The following PTPN9 variants were observed in gnomAD, a reference collection of about 807,000 sequenced individuals.
PTPN9 encodes the protein protein tyrosine phosphatase non-receptor type 9.
Under a neutral mutation model 69.8 loss-of-function variants are expected in PTPN9, and 26 were observed. That is an observed-to-expected ratio of 0.37 (90% CI 0.27 to 0.52). PTPN9 has a LOEUF of 0.52. Among genes scored for constraint, PTPN9 ranks in the 20% least tolerant of loss-of-function variants. The pLI, the probability that PTPN9 is intolerant of heterozygous loss-of-function variation, is 0.91. For synonymous variants in PTPN9, 274 were observed against 272.5 expected (o/e 1.01, Z -0.05); for missense variants, 549 against 740.3 (o/e 0.74, Z 3.00).
At chr15:75,516,091 C>T (rs140851091) in intron 5 of PTPN9, among the ~76,000 whole-genome samples, 6 of 152,044 alleles carry the variant, frequency 3.9e-5, no homozygotes, top group African/African-American at 9.6e-5. Context: ...CCCTAGAGAC[C>T]CTCTTACACA....
chr15:75,478,941 A>G (rs2074612505), intron 9 of PTPN9, among the ~76,000 whole-genome samples: 1 of 152,182 alleles, frequency 6.6e-6, no homozygotes, highest in Non-Finnish European at 1.5e-5. Flanking sequence ...AAGTGACATG[A>G]TATTCTTGAG....
chr15:75,495,436 A>C (rs2074734416), intron 7 of PTPN9, among the ~76,000 whole-genome samples: 1 of 152,074 alleles, frequency 6.6e-6, no homozygotes, highest in Admixed American at 6.6e-5. Context: ...TGAAGGGCCA[A>C]GCACGGTGGC....
chr15:75,504,604 C>T (rs1264876206), intron 7 of PTPN9, among the ~76,000 whole-genome samples: 3 of 142,716 alleles, frequency 2.1e-5, no homozygotes, highest in African/African-American at 5.2e-5. Flanking sequence ...TGAGGAGCCC[C>T]TCTGCCCGGC....
intron 1 of PTPN9, among the ~76,000 whole-genome samples, chr15:75,528,288 C>T (rs2074940015): frequency 6.6e-6 from 1 of 152,170 alleles, no homozygotes; most frequent in Admixed American, 6.6e-5. Context: ...TTCTTTTATG[C>T]ACTCTCATCC....
chr15:75,523,024 A>C, intron 4 of PTPN9, 97 bp downstream of exon 4: 25 of 1,402,900 alleles, frequency 1.8e-5, no homozygotes, highest in Non-Finnish European at 2.4e-5. Flanking sequence ...GGCACATCCT[A>C]GGAGAATGGC....
At chr15:75,578,574 T>G in intron 1 of PTPN9, 140 bp downstream of exon 1, 4 of 606,444 alleles carry the variant, frequency 6.6e-6, no homozygotes, top group Non-Finnish European at 9.3e-6. Flanking sequence ...CGGTCGCCGG[T>G]GAGGGAGGCC....
chr15:75,505,157 C>T (rs1294122458), intron 7 of PTPN9, among the ~76,000 whole-genome samples: 1 of 151,354 alleles, frequency 6.6e-6, no homozygotes, highest in Non-Finnish European at 1.5e-5. Flanking sequence ...GGTGACCTTA[C>T]CCCCAACCCT....
chr15:75,547,142 A>G (rs1425118241), intron 1 of PTPN9, among the ~76,000 whole-genome samples: 1 of 151,828 alleles, frequency 6.6e-6, no homozygotes. Context: ...AAAAATACAA[A>G]AACATTACCA....
rs935352696 is a variant in PTPN9, at chr15:75,468,463, G to T, written c.*306C>A. The T allele has an allele frequency of 2.1e-5, 5 of 239,152 alleles. No individual in the cohort carries two copies. The highest frequency in any genetic ancestry group is 1.0e-4 in the Admixed American group (2 of 19,952). 14.8% of individuals were successfully genotyped at this position (239,152 alleles called of 1,614,324 possible). The stretch of plus-strand genomic sequence containing the variant: ...AATGGCGGGAGAAAGGAGGAGGGAG[G>T]TTCCTTCCCCACTTACCTCGGGGAC... On this transcript the variant is annotated 3_prime_UTR_variant, in exon 13 of 13. Transcript: ENST00000618819.
chr15:75,517,361 A>C lies in PTPN9; in HGVS notation c.426T>G (p.Phe142Leu). The C allele has an allele frequency of 4.3e-6, 7 of 1,611,060 alleles. No individual in the cohort carries two copies. Among genetic ancestry groups the C allele is most frequent in the Non-Finnish European group, 5.9e-6 (7 of 1,178,062 alleles). Residue 142 changes from phenylalanine to leucine, a missense_variant, in exon 5 of 13, where the codon TTT becomes TTG. Phe to Leu is a conservative substitution (Grantham distance 22). Around this residue, in one of 3 missense-constraint regions of PTPN9, gnomAD observed 457 missense variants for 661.9 expected, o/e 0.69. Transcript: ENST00000618819. ...ACACCAGTCCATTCCTCTGAGTTTC[A>C]AAGCTGTAAATCAACCATTGAACAA... ...FYLLDRAVDS[F>L]ETQRNGLVFI... is the part of the protein sequence containing the mutation.
At chr15:75,485,705 T>TA (rs2074671635) in intron 8 of PTPN9, among the ~76,000 whole-genome samples, 1 of 151,692 alleles carries the variant, frequency 6.6e-6, no homozygotes, top group South Asian at 2.1e-4. Context: ...ATTATTTCTT[T>TA]ATAACTAAGA....
chr15:75,575,299 A>G (rs2075167277), intron 1 of PTPN9, among the ~76,000 whole-genome samples: 1 of 152,000 alleles, frequency 6.6e-6, no homozygotes, highest in African/African-American at 2.4e-5. Context: ...AAGGCTGTTC[A>G]CACAGGCCAA....
Position 75,466,235 on chromosome 15 carries a change from A to T in PTPN9, c.*2534T>A, listed in dbSNP as rs2074536091. 1 of 152,172 alleles carries T rather than the reference A, an allele frequency of 6.6e-6. No individual in the cohort carries two copies. Among genetic ancestry groups the T allele is most frequent in the Non-Finnish European group, 1.5e-5 (1 of 68,036 alleles). The allele number at this position is 152,172 out of a possible 1,614,324, so 9.4% of individuals were successfully genotyped here. Reference sequence around the variant, plus strand: ...GGTTGTTGAGGGTGAATGAGATGATACCTAGAAATTACTCTGAACAGTGCC... The same window carrying T: ...GGTTGTTGAGGGTGAATGAGATGATTCCTAGAAATTACTCTGAACAGTGCC... On this transcript the variant is annotated 3_prime_UTR_variant, in exon 13 of 13. Transcript: ENST00000618819.
At chr15:75,485,494 G>C (rs867137159) in intron 8 of PTPN9, among the ~76,000 whole-genome samples, 1 of 146,716 alleles carries the variant, frequency 6.8e-6, no homozygotes, top group East Asian at 2.1e-4. Context: ...TCAGCCTCCC[G>C]AGTAGCTGGG....
chr15:75,537,455 A>T (rs1182111060), intron 1 of PTPN9, among the ~76,000 whole-genome samples: 135 of 135,628 alleles, frequency 1.0e-3, no homozygotes, highest in African/African-American at 3.7e-3. Context: ...AAAAAAAAAA[A>T]AAAAAAAAAA....
chr15:75,551,368 C>G (rs1252988336), intron 1 of PTPN9, among the ~76,000 whole-genome samples: 2 of 152,062 alleles, frequency 1.3e-5, no homozygotes, highest in Non-Finnish European at 2.9e-5. Flanking sequence ...CGCTCTTTTT[C>G]TTTTTGAAAC....
At chr15:75,542,286 T>G (rs1178056321) in intron 1 of PTPN9, among the ~76,000 whole-genome samples, 1 of 152,176 alleles carries the variant, frequency 6.6e-6, no homozygotes, top group African/African-American at 2.4e-5. Context: ...AGGGACTATG[T>G]GCACTTCAAA....
At chr15:75,508,835 A>AT in intron 6 of PTPN9, 82 bp downstream of exon 6, 2 of 1,074,694 alleles carry the variant, frequency 1.9e-6, no homozygotes, top group South Asian at 2.7e-5. Context: ...CGCCAGGAGG[A>AT]TTTTTTGAAG....
At chr15:75,511,633 G>GTA (rs1344300302) in intron 5 of PTPN9, among the ~76,000 whole-genome samples, 1 of 151,992 alleles carries the variant, frequency 6.6e-6, no homozygotes, top group Non-Finnish European at 1.5e-5. Flanking sequence ...TTCTATATGG[G>GTA]TAGCTGTTTT....
Sources: allele counts gnomAD v4.1 joint callset (sites outside exome capture counted in the v4.1 genomes callset), GRCh38; gene constraint gnomAD v4.1.1; regional missense constraint gnomAD v4.1.1; transcripts MANE v1.5; gene names NCBI Gene and HGNC (gene_info 2026-07-23, HGNC 2026-07-21).